CPHXL: variants seen among roughly 807,000 people sequenced by gnomAD.
The protein encoded by CPHXL is cytoplasmic polyadenylated homeobox-like protein.
intron 1 of CPHXL, among the ~76,000 whole-genome samples, chr16:75,720,018 T>C (rs1287574390): frequency 6.6e-6 from 1 of 151,998 alleles, no homozygotes; most frequent in Non-Finnish European, 1.5e-5. Context: ...TCCGGCAAAC[T>C]CCAACAGACC....
chr16:75,715,717 A>C (rs1273791220), intron 2 of CPHXL, among the ~76,000 whole-genome samples: 3 of 149,292 alleles, frequency 2.0e-5, no homozygotes, highest in Non-Finnish European at 4.5e-5. Flanking sequence ...TTTTTTTTGG[A>C]CAGAGTTTTG....
rs979933231 is a variant in CPHXL at position 75,726,486 on chromosome 16, T to A, written c.-44A>T. 2.8e-5 allele frequency: 11 copies of A among 398,356 alleles called. No homozygotes were observed. The highest frequency in any genetic ancestry group is 4.9e-5 in the Non-Finnish European group (11 of 225,978). 24.7% of individuals were successfully genotyped at this position (398,356 alleles called of 1,614,324 possible). On this transcript the variant is annotated 5_prime_UTR_variant, in exon 1 of 3. Transcript: ENST00000640559. ...GACTTCACGGAGACCAGCAAGCAAC[T>A]GAGATCAGCAAGCAACTGAGCAGCT...
rs1567527497 is a variant in CPHXL, at chr16:75,715,237, T to C, written c.220-15A>G. The C allele has an allele frequency of 5.0e-6, 2 of 398,646 alleles. No individual in the cohort carries two copies. Among genetic ancestry groups the C allele is most frequent in the East Asian group, 3.6e-5 (1 of 28,088 alleles). The allele number at this position is 398,646 out of a possible 1,614,324, so 24.7% of individuals were successfully genotyped here. On this transcript the variant is annotated splice_polypyrimidine_tract_variant and intron_variant, in intron 2 of 2. Coordinates refer to ENST00000640559, the MANE Select transcript of CPHXL (RefSeq NM_001355613.1). ...TGGAACCAATTCTAGAGAGAAAAGA[T>C]AATATTGTTTTATTGACTCTACTTA...
chr16:75,714,388 A>T lies in CPHXL; in HGVS notation c.1054T>A (p.Ser352Thr). 1 of 398,584 alleles carries T rather than the reference A, an allele frequency of 2.5e-6. No individual in the cohort carries two copies. Among genetic ancestry groups the T allele is most frequent in the Non-Finnish European group, 4.4e-6 (1 of 226,080 alleles). The allele number at this position is 398,584 out of a possible 1,614,324, so 24.7% of individuals were successfully genotyped here. Residue 352 changes from serine to threonine, a missense_variant, in exon 3 of 3, where the codon TCA becomes ACA. By Grantham distance (58) the Ser-to-Thr change is moderately conservative. Transcript: ENST00000640559. ...DLGKQWSSAQ[S>T]QLQSQLPQNN... ...TGAGGCAGTTGACTCTGCAGCTGTG[A>T]CTGAGCCGAGGACCACTGCTTCCCT...
intron 2 of CPHXL, among the ~76,000 whole-genome samples, chr16:75,715,955 C>T (rs1166783408): frequency 6.6e-6 from 1 of 152,142 alleles, no homozygotes; most frequent in Non-Finnish European, 1.5e-5. Context: ...GCCTCAGCCT[C>T]CCAAAGTGCT....
intron 2 of CPHXL, 42 bp from the exon 3 acceptor site, chr16:75,715,264 C>G (rs1959374329): frequency 1.5e-5 from 6 of 398,654 alleles, no homozygotes; most frequent in Non-Finnish European, 2.2e-5. Context: ...CTCTACTTAT[C>G]TGAATATATT....
At chr16:75,720,746 CAG>C (rs148076325) in intron 1 of CPHXL, among the ~76,000 whole-genome samples, 58,976 of 151,294 alleles carry the variant, frequency 0.39, 12,620 homozygotes, top group African/African-American at 0.59. Flanking sequence ...TCAGGAAATA[CAG>C]AGAACACCAC....
At position 75,715,160 on chromosome 16, in the gene CPHXL, A is replaced by G; in HGVS notation, c.282T>C (p.Leu94=). The change falls in exon 3 of 3, where the codon CTT becomes CTC. Residue 94 remains leucine (L), a synonymous_variant. Transcript: ENST00000640559. ...PPAERRRIFV[L]QKKHDFPVQA... ...GGACTGGAAAATCATGCTTTTTCTG[A>G]AGAACAAATATTCTGCGTCTTTCTG... 1 of 398,986 alleles carries G rather than the reference A, an allele frequency of 2.5e-6. No homozygotes were observed. The highest frequency in any genetic ancestry group is 4.4e-6 in the Non-Finnish European group (1 of 226,202). 24.7% of individuals were successfully genotyped at this position (398,986 alleles called of 1,614,324 possible).
At position 75,714,168 on chromosome 16, in the gene CPHXL, A is replaced by G; in HGVS notation, c.*56T>C. The G allele has an allele frequency of 5.0e-6, 2 of 398,606 alleles. No homozygotes were observed. The highest frequency in any genetic ancestry group is 3.6e-5 in the East Asian group (1 of 28,078). The allele number at this position is 398,606 out of a possible 1,614,324, so 24.7% of individuals were successfully genotyped here. On this transcript the variant is annotated 3_prime_UTR_variant, in exon 3 of 3. Transcript: ENST00000640559. ...CTGTGTTTCTCTGACACTTAGCACT[A>G]CTTTGCAGAGTTGCATCCTTGGTTC...
intron 1 of CPHXL, among the ~76,000 whole-genome samples, chr16:75,719,992 G>C (rs965540679): frequency 6.6e-6 from 1 of 152,194 alleles, no homozygotes; most frequent in African/African-American, 2.4e-5. Context: ...CAGTCAAACA[G>C]GGTCTGGAGT....
intron 1 of CPHXL, among the ~76,000 whole-genome samples, chr16:75,725,225 T>A (rs1959538255): frequency 6.6e-6 from 1 of 152,076 alleles, no homozygotes; most frequent in East Asian, 1.9e-4. Context: ...TGTATATATA[T>A]GTAACTAACC....
Position 75,715,030 on chromosome 16 carries a change from C to G in CPHXL, c.412G>C (p.Gly138Arg), listed in dbSNP as rs1959370587. The G allele has an allele frequency of 2.5e-6, 1 of 398,644 alleles. No homozygotes were observed. Among genetic ancestry groups the G allele is most frequent in the Non-Finnish European group, 4.4e-6 (1 of 226,060 alleles). The allele number at this position is 398,644 out of a possible 1,614,324, so 24.7% of individuals were successfully genotyped here. The change falls in exon 3 of 3, where the codon GGT becomes CGT. Residue 138 changes from glycine (G) to arginine (R), a missense_variant. By Grantham distance (125) the Gly-to-Arg change is moderately radical. Coordinates refer to ENST00000640559, the MANE Select transcript of CPHXL (RefSeq NM_001355613.1). The stretch of plus-strand genomic sequence containing the variant: ...CACTGTTTCTCCAGATGGGAGCAAC[C>G]AGCTCTTCTCATCAGAGCCCTCTGG... Reference protein sequence around the residue: ...GAQRALMRRAGCSHLEKQWIP... With the variant: ...GAQRALMRRARCSHLEKQWIP...
In CPHXL at chr16:75,714,932, G is replaced by A. The variant is rs970148349; in HGVS notation, c.510C>T (p.Gly170=). Residue 170 remains glycine, a synonymous_variant, in exon 3 of 3, where the codon GGC becomes GGT. Transcript: ENST00000640559. ...GTTTCTCCAGATAAGAGCACTGGGG[G>A]CCCACCTGTTGACTGGGAGTCTCTT... ...ENQETPSQQV[G]PQCSYLEKPG... The A allele has an allele frequency of 1.8e-5, 7 of 398,488 alleles. No homozygotes were observed. The highest frequency in any genetic ancestry group is 6.2e-5 in the African/African-American group (3 of 48,624). The allele number at this position is 398,488 out of a possible 1,614,324, so 24.7% of individuals were successfully genotyped here.
chr16:75,724,183 C>T (rs1024396995), intron 1 of CPHXL, among the ~76,000 whole-genome samples: 1 of 152,214 alleles, frequency 6.6e-6, no homozygotes, highest in Middle Eastern at 3.4e-3. Context: ...AGAAGAAAAC[C>T]TAGGCAATAC....
Position 75,715,813 on chromosome 16 carries a change from C to T in CPHXL, c.220-591G>A, listed in dbSNP as rs547552877. Among the ~76,000 whole-genome samples the T allele has an allele frequency of 1.2e-4, 18 of 152,188 alleles. No individual in the cohort carries two copies. The East Asian group carries it at 3.1e-3, about 26-fold the overall frequency. On this transcript the variant is annotated intron_variant, in intron 2 of 2. Coordinates refer to ENST00000640559, the MANE Select transcript of CPHXL (RefSeq NM_001355613.1). ...CTGGATTCAAGTGATTTTCCTACCT[C>T]AGCCTCCCGAGTAGCTGGAATTACA...
chr16:75,726,397 A>G (rs1959560307), intron 1 of CPHXL, 21 bp downstream of exon 1: 2 of 398,480 alleles, frequency 5.0e-6, no homozygotes, highest in African/African-American at 4.1e-5. Context: ...ATTGTAAGAG[A>G]AAAAGCTGAT....
intron 1 of CPHXL, among the ~76,000 whole-genome samples, chr16:75,718,673 G>C (rs904995464): frequency 6.6e-6 from 1 of 152,174 alleles, no homozygotes; most frequent in Non-Finnish European, 1.5e-5. Context: ...CCAGTTGCCT[G>C]TTTTTGTAAA....
intron 2 of CPHXL, among the ~76,000 whole-genome samples, chr16:75,716,893 A>G (rs1425750529): frequency 6.6e-6 from 1 of 152,246 alleles, no homozygotes; most frequent in Non-Finnish European, 1.5e-5. Flanking sequence ...AGAATTGCAT[A>G]TTCAACTGTT....
intron 1 of CPHXL, among the ~76,000 whole-genome samples, chr16:75,724,444 C>G (rs1959524936): frequency 6.6e-6 from 1 of 152,164 alleles, no homozygotes; most frequent in African/African-American, 2.4e-5. Flanking sequence ...AACAAACAAC[C>G]CCATCAACAA....
Sources: gnomAD v4.1 joint callset for allele counts (sites outside exome capture counted in the v4.1 genomes callset) on GRCh38, gnomAD v4.1.1 for gene constraint, MANE v1.5 for transcripts, NCBI Gene and HGNC (gene_info 2026-07-23, HGNC 2026-07-21) for gene names.